CCDC47: variants seen among roughly 807,000 people sequenced by gnomAD.
The protein encoded by CCDC47 is coiled-coil domain containing 47.
Under a neutral mutation model 60.5 loss-of-function variants are expected in CCDC47, and 41 were observed. The observed-to-expected ratio is 0.68, with a 90% CI of 0.53 to 0.88. The LOEUF is 0.88. Ranked by LOEUF, CCDC47 falls within the 40% of genes least tolerant of loss-of-function variation. CCDC47 has a pLI of 0.00. For synonymous variants in CCDC47, 195 were observed against 190.7 expected (o/e 1.02, Z -0.18); for missense variants, 513 against 580.9 (o/e 0.88, Z 1.20).
chr17:63,750,647 C>T (rs375164383), intron 12 of CCDC47, among the ~76,000 whole-genome samples: 16 of 150,944 alleles, frequency 1.1e-4, no homozygotes, highest in African/African-American at 3.9e-4. Context: ...TGCAGTGGCT[C>T]GATCCCTGCT....
chr17:63,766,049 C>G lies in CCDC47; in HGVS notation c.127G>C (p.Glu43Gln), dbSNP rs1568251671. 1 of 1,614,020 alleles carries G rather than the reference C, an allele frequency of 6.2e-7. No homozygotes were observed. The highest frequency in any genetic ancestry group is 8.5e-7 in the Non-Finnish European group (1 of 1,180,024). Residue 43 changes from glutamate to glutamine, a missense_variant, in exon 2 of 13, where the codon GAG becomes CAG. Transcript: ENST00000225726. Reference protein sequence around the residue: ...EYDDNDFAEFEDVMEDSVTES... With the variant: ...EYDDNDFAEFQDVMEDSVTES... ...GTAACAGAGTCTTCCATGACATCCTCAAATTCAGCGAAGTCATTATCATCA... is the reference window on the plus strand; with the variant it reads ...GTAACAGAGTCTTCCATGACATCCTGAAATTCAGCGAAGTCATTATCATCA...
chr17:63,769,332 G>A (rs755789250), intron 1 of CCDC47, among the ~76,000 whole-genome samples: 2 of 151,682 alleles, frequency 1.3e-5, no homozygotes, highest in Non-Finnish European at 2.9e-5. Flanking sequence ...AAAAAGGTTT[G>A]GCTGTGTGCG....
chr17:63,764,371 T>C (rs1760669852), intron 3 of CCDC47, among the ~76,000 whole-genome samples, 181 bp from the exon 4 acceptor site: 1 of 152,176 alleles, frequency 6.6e-6, no homozygotes, highest in South Asian at 2.1e-4. Flanking sequence ...TGATAAAAGA[T>C]TCTTTAAGGA....
intron 1 of CCDC47, among the ~76,000 whole-genome samples, chr17:63,771,058 A>AAGAAAGAAAG (rs1555717340): frequency 6.6e-6 from 1 of 151,448 alleles, no homozygotes; most frequent in South Asian, 2.1e-4. Context: ...GAAAGAAAGA[A>AAGAAAGAAAG]AGAAATTAAA....
intron 12 of CCDC47, among the ~76,000 whole-genome samples, chr17:63,748,675 T>A (rs958693426): frequency 6.6e-6 from 1 of 152,124 alleles, no homozygotes; most frequent in African/African-American, 2.4e-5. Flanking sequence ...ATAAGAAATA[T>A]TGGCCGGGCG....
Position 63,769,342 on chromosome 17 carries a change from G to A in CCDC47, c.-19-3148C>T, listed in dbSNP as rs190557077. The stretch of plus-strand genomic sequence containing the variant: ...TAAAGAAAAAGGTTTGGCTGTGTGC[G>A]ATGGCTCACACCTGTAATCCCAGCA... On this transcript the variant is annotated intron_variant, in intron 1 of 12. Transcript: ENST00000225726. 2.5e-3 allele frequency among the ~76,000 whole-genome samples: 381 copies of A among 151,848 alleles called. 2 individuals are homozygous for A. Among genetic ancestry groups the A allele is most frequent in the Non-Finnish European group, 3.4e-3 (232 of 67,936 alleles).
intron 2 of CCDC47, among the ~76,000 whole-genome samples, chr17:63,765,286 A>T (rs8081454): frequency 1.3e-5 from 2 of 151,806 alleles, no homozygotes; most frequent in African/African-American, 4.8e-5. Context: ...AAAGCTGGGG[A>T]GCACCCAAAA....
intron 1 of CCDC47, among the ~76,000 whole-genome samples, 175 bp downstream of exon 1, chr17:63,773,235 CTG>C (rs1297161784): frequency 6.6e-6 from 1 of 152,262 alleles, no homozygotes; most frequent in African/African-American, 2.4e-5. Flanking sequence ...CCGGCACACA[CTG>C]TACATTTCCT....
At chr17:63,772,644 A>G (rs913875351) in intron 1 of CCDC47, 1 of 152,174 alleles carries the variant, frequency 6.6e-6, no homozygotes, top group Non-Finnish European at 1.5e-5. Flanking sequence ...ACAGCCTGCC[A>G]AAAGATCCGA....
intron 5 of CCDC47, 81 bp from the exon 6 acceptor site, chr17:63,761,060 T>C: frequency 2.2e-6 from 3 of 1,348,892 alleles, no homozygotes; most frequent in Non-Finnish European, 3.2e-6. Flanking sequence ...GAGAATCAAA[T>C]GCTTCATCAA....
At position 63,761,574 on chromosome 17, in the gene CCDC47, G is replaced by A. The variant is rs555445406; in HGVS notation, c.548-223C>T. 2.6e-5 allele frequency: 8 copies of A among 313,566 alleles called. No individual in the cohort carries two copies. In the East Asian group the frequency reaches 5.4e-4, roughly 21 times the overall value. 19.4% of individuals were successfully genotyped at this position (313,566 alleles called of 1,614,324 possible). A position where few individuals can be genotyped will look rare whatever the true frequency, so the allele number is the denominator to read the frequency against. ...TAGCCGGGCATGGTGGCGCGTACCTGTAGTCCCAGCTACTCAGGAGGCTGA... is the reference window on the plus strand; with the variant it reads ...TAGCCGGGCATGGTGGCGCGTACCTATAGTCCCAGCTACTCAGGAGGCTGA... On this transcript the variant is annotated intron_variant, in intron 4 of 12. Coordinates refer to ENST00000225726, the MANE Select transcript of CCDC47 (RefSeq NM_020198.3).
Position 63,751,989 on chromosome 17 carries a change from T to A in CCDC47, c.1322A>T (p.Lys441Met). ...ATCTTCCTCATTCATGATTCGCTCC[T>A]TCTCTGCTCTTTTTTTCTCCTCCCG... ...SRREEKKRAE[K>M]ERIMNEEDPE... The change falls in exon 12 of 13, where the codon AAG (lysine) becomes ATG (methionine). Residue 441 changes from lysine (K) to methionine (M), a missense_variant. Coordinates refer to ENST00000225726, the MANE Select transcript of CCDC47 (RefSeq NM_020198.3). 2 of 1,613,786 alleles carry A rather than the reference T, an allele frequency of 1.2e-6. No homozygotes were observed. Among genetic ancestry groups the A allele is most frequent in the Non-Finnish European group, 1.7e-6 (2 of 1,180,018 alleles).
chr17:63,746,343 C>CA lies in CCDC47; in HGVS notation c.*537dup, dbSNP rs2039119970. On this transcript the variant is annotated 3_prime_UTR_variant, in exon 13 of 13. Transcript: ENST00000225726. ...ATTATGTTCTGGGTCCCTGAAATTT[C>CA]ATTACTACATACAGTGTTCTAATTT... 1 of 152,708 alleles carries CA rather than the reference C, an allele frequency of 6.5e-6. No individual in the cohort carries two copies. The highest frequency in any genetic ancestry group is 2.4e-5 in the African/African-American group (1 of 41,434). The allele number at this position is 152,708 out of a possible 1,614,324, so 9.5% of individuals were successfully genotyped here.
intron 2 of CCDC47, 135 bp from the exon 3 acceptor site, chr17:63,764,982 T>A: frequency 7.0e-7 from 1 of 1,423,182 alleles, no homozygotes; most frequent in Middle Eastern, 2.5e-4. Context: ...TACATGTTTT[T>A]AACAAAACGA....
chr17:63,761,096 T>C (rs937816971), intron 5 of CCDC47, 117 bp from the exon 6 acceptor site: 16 of 1,387,404 alleles, frequency 1.2e-5, no homozygotes, highest in Non-Finnish European at 1.6e-5. Flanking sequence ...CATTTGCCAG[T>C]TAGTATAAAT....
chr17:63,748,454 C>T (rs2039137056), intron 12 of CCDC47, among the ~76,000 whole-genome samples: 2 of 150,936 alleles, frequency 1.3e-5, no homozygotes, highest in Non-Finnish European at 3.0e-5. Flanking sequence ...GGTGGAGTTT[C>T]GCTCTTGTTC....
chr17:63,770,598 T>A (rs556324596), intron 1 of CCDC47, among the ~76,000 whole-genome samples: 1 of 152,182 alleles, frequency 6.6e-6, no homozygotes, highest in Non-Finnish European at 1.5e-5. Context: ...ATATTCTAAA[T>A]CTCATTTATA....
At chr17:63,771,585 AT>A (rs1326443082) in intron 1 of CCDC47, among the ~76,000 whole-genome samples, 2 of 152,204 alleles carry the variant, frequency 1.3e-5, no homozygotes, top group Non-Finnish European at 2.9e-5. Context: ...TTAGTTACTA[AT>A]GAGTGTTTTT....
intron 12 of CCDC47, among the ~76,000 whole-genome samples, chr17:63,748,133 G>C (rs2039134333): frequency 6.6e-6 from 1 of 151,940 alleles, no homozygotes; most frequent in African/African-American, 2.4e-5. Flanking sequence ...GGGATTACAG[G>C]CGTGAGCCAA....
Sources: allele counts gnomAD v4.1 joint callset (sites outside exome capture counted in the v4.1 genomes callset), GRCh38; gene constraint gnomAD v4.1.1; transcripts MANE v1.5; gene names NCBI Gene and HGNC (gene_info 2026-07-23, HGNC 2026-07-21).